AFF4: variants seen among roughly 807,000 people sequenced by gnomAD.
AFF4 encodes ALF transcription elongation factor 4.
AFF4 carries 13 observed loss-of-function variants against 124.8 expected under a neutral mutation model. That is an observed-to-expected ratio of 0.10 (90% CI 0.07 to 0.17). The LOEUF is 0.17. Ranked by LOEUF, AFF4 falls within the 10% of genes least tolerant of loss-of-function variation. The probability of loss-of-function intolerance (pLI) is 1.00; values close to 1 mark genes in which losing one functional copy is unlikely to be tolerated. For synonymous variants in AFF4, 477 were observed against 496.1 expected (o/e 0.96, Z 0.51); for missense variants, 1,092 against 1,403.8 (o/e 0.78, Z 3.55).
chr5:132,919,923 C>A (rs1581304505), intron 5 of AFF4, among the ~76,000 whole-genome samples: 2 of 151,750 alleles, frequency 1.3e-5, no homozygotes, highest in Non-Finnish European at 2.9e-5. Context: ...GTGGGATGGT[C>A]ACCTGAGCCC....
chr5:132,898,836 T>C (rs1270956099), intron 9 of AFF4, among the ~76,000 whole-genome samples: 4 of 152,232 alleles, frequency 2.6e-5, no homozygotes, highest in South Asian at 2.1e-4. Flanking sequence ...ATTCTATGAA[T>C]CCAGAGCTTC....
At position 132,902,258 on chromosome 5, in the gene AFF4, G is replaced by C. The variant is rs772980898; in HGVS notation, c.1133+184C>G. Among the ~76,000 whole-genome samples the C allele has an allele frequency of 6.6e-5, 10 of 152,180 alleles. No individual in the cohort carries two copies. In the East Asian group the frequency reaches 1.9e-3, roughly 29 times the overall value. ...AGAAGGGGTTTCACCACGTTGGCCA[G>C]GCTGGTCTCGAACTCCTGACCTCAC... On this transcript the variant is annotated intron_variant, in intron 7 of 20. Coordinates refer to ENST00000265343, the MANE Select transcript of AFF4 (RefSeq NM_014423.4).
intron 5 of AFF4, among the ~76,000 whole-genome samples, chr5:132,912,559 C>T (rs993552035): frequency 6.6e-6 from 1 of 152,056 alleles, no homozygotes; most frequent in Non-Finnish European, 1.5e-5. Context: ...CAGGGTCTCA[C>T]TATGTTGCCA....
chr5:132,906,564 A>T (rs1760675885), intron 5 of AFF4, among the ~76,000 whole-genome samples: 1 of 152,202 alleles, frequency 6.6e-6, no homozygotes, highest in Non-Finnish European at 1.5e-5. Context: ...GAACAGAGAG[A>T]TCTATAGAGA....
At chr5:132,901,763 G>C (rs756394465) in intron 7 of AFF4, among the ~76,000 whole-genome samples, 2 of 152,024 alleles carry the variant, frequency 1.3e-5, no homozygotes, top group African/African-American at 2.4e-5. Context: ...TATAAATTAG[G>C]AATATACACA....
At chr5:132,885,005 T>C in intron 19 of AFF4, 71 bp downstream of exon 19, 1 of 1,071,692 alleles carries the variant, frequency 9.3e-7, no homozygotes, top group Non-Finnish European at 1.4e-6. Flanking sequence ...CTTTCCATTT[T>C]TGGAAATTGG....
rs200807688 is a variant in AFF4 at position 132,934,320 on chromosome 5, T to C, written c.745A>G (p.Met249Val). ...PPSLMSKSNSMLQKPTAYVRP... is the reference protein window; with the variant it reads ...PPSLMSKSNSVLQKPTAYVRP... ...ACATAGGCAGTGGGTTTCTGTAACA[T>C]TGAATTGGACTTTGACATCAATGAG... Residue 249 changes from methionine to valine, a missense_variant, in exon 3 of 21, where the codon ATG becomes GTG. Physicochemically the swap from Met to Val is conservative, Grantham distance 21. Transcript: ENST00000265343. 22 of 1,614,134 alleles carry C rather than the reference T, an allele frequency of 1.4e-5. No homozygotes were observed. Among genetic ancestry groups the C allele is most frequent in the Non-Finnish European group, 1.7e-5 (20 of 1,180,018 alleles).
At chr5:132,894,933 C>CA (rs1468866055) in intron 11 of AFF4, among the ~76,000 whole-genome samples, 1 of 152,018 alleles carries the variant, frequency 6.6e-6, no homozygotes, top group African/African-American at 2.4e-5. Flanking sequence ...GCCTAGGTGA[C>CA]AGAGTAATAC....
chr5:132,885,008 G>A, intron 19 of AFF4, 68 bp downstream of exon 19: 1 of 1,145,460 alleles, frequency 8.7e-7, no homozygotes, highest in South Asian at 1.5e-5. Context: ...TCCATTTTTG[G>A]AAATTGGACC....
In AFF4 at chr5:132,896,947, A is replaced by G. The variant is rs920429732; in HGVS notation, c.1683T>C (p.Thr561=). 6.2e-7 allele frequency: 1 copy of G among 1,614,002 alleles called. No individual in the cohort carries two copies. The highest frequency in any genetic ancestry group is 8.5e-7 in the Non-Finnish European group (1 of 1,179,990). ...AQSDSTTQRR[T]VGKKQPKKAE... Reference sequence around the variant, plus strand: ...CCTTTTTGGGTTGTTTTTTGCCTACAGTTCTTCTCTGTGTTGTGCTGTCAC... The same window carrying G: ...CCTTTTTGGGTTGTTTTTTGCCTACGGTTCTTCTCTGTGTTGTGCTGTCAC... Residue 561 remains threonine, a synonymous_variant, in exon 11 of 21, where the codon ACT becomes ACC. Coordinates refer to ENST00000265343, the MANE Select transcript of AFF4 (RefSeq NM_014423.4).
intron 5 of AFF4, among the ~76,000 whole-genome samples, chr5:132,924,651 C>A (rs1027217464): frequency 6.6e-6 from 1 of 151,820 alleles, no homozygotes; most frequent in African/African-American, 2.4e-5. Context: ...GTCAGGAGTT[C>A]GAGACCAGCC....
chr5:132,938,706 G>A (rs1201425056), intron 1 of AFF4, among the ~76,000 whole-genome samples: 6 of 151,906 alleles, frequency 3.9e-5, no homozygotes, highest in Admixed American at 2.6e-4. Context: ...CACTTTGGGA[G>A]GCCGAGGTGG....
chr5:132,881,152 A>G lies in AFF4; in HGVS notation c.3399T>C (p.Pro1133=), dbSNP rs1445768971. ...FFAELDKVMG[P]LIFNASIMTD... is the part of the protein sequence containing the mutation. ...TCATGATGCTTGCATTAAAGATGAG[A>G]GGGCCCATTACTTTATCCAGTTCAG... Residue 1133 remains proline (P), a synonymous_variant, in exon 21 of 21, where the codon CCT becomes CCC. Transcript: ENST00000265343. 2 of 1,614,086 alleles carry G rather than the reference A, an allele frequency of 1.2e-6. No homozygotes were observed. Among genetic ancestry groups the G allele is most frequent in the Middle Eastern group, 1.7e-4 (1 of 6,060 alleles).
intron 5 of AFF4, chr5:132,926,891 T>C (rs990382007): frequency 1.4e-5 from 6 of 426,936 alleles, no homozygotes; most frequent in African/African-American, 1.0e-4. Context: ...CTCTCGCATA[T>C]TGCCTTCAAA....
At chr5:132,892,059 A>G (rs1402948674) in intron 13 of AFF4, 105 bp downstream of exon 13, 1 of 1,516,208 alleles carries the variant, frequency 6.6e-7, no homozygotes, top group Non-Finnish European at 9.1e-7. Flanking sequence ...ATAGGCCTAT[A>G]TATTTACTGA....
At chr5:132,925,844 G>C (rs1054448531) in intron 5 of AFF4, among the ~76,000 whole-genome samples, 4 of 152,184 alleles carry the variant, frequency 2.6e-5, no homozygotes, top group African/African-American at 9.7e-5. Flanking sequence ...GAATTTGTGA[G>C]TGTATGTATT....
At chr5:132,894,310 A>T (rs1296843391) in intron 11 of AFF4, among the ~76,000 whole-genome samples, 2 of 152,178 alleles carry the variant, frequency 1.3e-5, no homozygotes, top group African/African-American at 4.8e-5. Context: ...CAAAGTTCCA[A>T]CTTTTTCACA....
chr5:132,959,632 C>T (rs1299200922), intron 1 of AFF4, among the ~76,000 whole-genome samples: 1 of 151,950 alleles, frequency 6.6e-6, no homozygotes, highest in African/African-American at 2.4e-5. Context: ...AACAGGAATG[C>T]AGATGATGTG....
At chr5:132,895,727 C>T (rs151099836) in intron 11 of AFF4, among the ~76,000 whole-genome samples, 8 of 152,172 alleles carry the variant, frequency 5.3e-5, no homozygotes, top group African/African-American at 9.7e-5. Flanking sequence ...CACAGACATG[C>T]GTGAGTTTTC....
Sources: allele counts gnomAD v4.1 joint callset (sites outside exome capture counted in the v4.1 genomes callset), GRCh38; gene constraint gnomAD v4.1.1; transcripts MANE v1.5; gene names NCBI Gene and HGNC (gene_info 2026-07-23, HGNC 2026-07-21).